The following SNTG1 variants were observed in gnomAD, a reference collection of about 807,000 sequenced individuals.
The protein encoded by SNTG1 is syntrophin gamma 1.
In SNTG1, 39 loss-of-function variants were observed where a neutral mutation model predicts 74.7. That is an observed-to-expected ratio of 0.52 (90% confidence interval 0.40 to 0.68). SNTG1 has a LOEUF of 0.68. SNTG1 is among the 30% of genes least tolerant of loss of function. The probability of loss-of-function intolerance (pLI) is 0.00; values close to 1 mark genes in which losing one functional copy is unlikely to be tolerated. For missense variants in SNTG1, 685 were observed against 609.5 expected (o/e 1.12, Z -1.30); for synonymous variants, 254 against 217.1 (o/e 1.17, Z -1.49).
chr8:50,068,158 A>T (rs1175766745), intron 1 of SNTG1, among the ~76,000 whole-genome samples: 2 of 152,194 alleles, frequency 1.3e-5, no homozygotes, highest in East Asian at 1.9e-4. Context: ...AATGATCTAC[A>T]TGAGAATATT....
At chr8:50,664,451 A>G (rs1344311453) in intron 15 of SNTG1, among the ~76,000 whole-genome samples, 4 of 152,168 alleles carry the variant, frequency 2.6e-5, no homozygotes, top group Non-Finnish European at 5.9e-5. Context: ...AAAATACCCT[A>G]TATTTGTAAT....
chr8:50,549,524 A>G (rs2094411233), intron 11 of SNTG1, among the ~76,000 whole-genome samples: 1 of 151,976 alleles, frequency 6.6e-6, no homozygotes, highest in Non-Finnish European at 1.5e-5. Context: ...CCACAGAGAG[A>G]TATTTCTAAA....
chr8:50,367,179 A>G (rs896747489), intron 2 of SNTG1, among the ~76,000 whole-genome samples: 2 of 151,838 alleles, frequency 1.3e-5, no homozygotes, highest in Non-Finnish European at 2.9e-5. Context: ...TTCCTTTACC[A>G]AGTAGATCAG....
intron 1 of SNTG1, among the ~76,000 whole-genome samples, chr8:49,934,415 T>C (rs543501059): frequency 9.9e-5 from 15 of 152,058 alleles, no homozygotes; most frequent in Non-Finnish European, 2.1e-4. Flanking sequence ...TGAGAGAAAA[T>C]ATAATAGAAT....
rs76927205 is a variant in SNTG1, at chr8:50,084,074, C to T, written c.-102-88487C>T. Among the ~76,000 whole-genome samples, 894 of 152,212 alleles carry T rather than the reference C, an allele frequency of 5.9e-3. 9 individuals carry two copies. The highest frequency in any genetic ancestry group is 0.02 in the African/African-American group (846 of 41,540). Reference sequence around the variant, plus strand: ...GCCATTCTAAATGTAATAGATACTCCAAAAGCCATCTCTAAAAGACACCTC... The same window carrying T: ...GCCATTCTAAATGTAATAGATACTCTAAAAGCCATCTCTAAAAGACACCTC... On this transcript the variant is annotated intron_variant, in intron 1 of 18. Transcript: ENST00000642720.
chr8:50,231,756 C>T (rs1375383835), intron 2 of SNTG1, among the ~76,000 whole-genome samples: 2 of 151,164 alleles, frequency 1.3e-5, no homozygotes, highest in East Asian at 1.9e-4. Context: ...GGTACAAAGC[C>T]TCAGTTAGAA....
chr8:50,625,166 A>G (rs2094948551), intron 13 of SNTG1, among the ~76,000 whole-genome samples: 1 of 152,174 alleles, frequency 6.6e-6, no homozygotes, highest in African/African-American at 2.4e-5. Context: ...AATGACCTCA[A>G]CTTACAGGTA....
chr8:50,517,146 T>C (rs2094140238), intron 9 of SNTG1, among the ~76,000 whole-genome samples: 1 of 152,188 alleles, frequency 6.6e-6, no homozygotes, highest in African/African-American at 2.4e-5. Flanking sequence ...ATATTCAACA[T>C]TCTTAAAGAA....
chr8:50,000,666 C>G (rs1425877477), intron 1 of SNTG1, among the ~76,000 whole-genome samples: 1 of 152,158 alleles, frequency 6.6e-6, no homozygotes, highest in African/African-American at 2.4e-5. Context: ...ATAATTGAAG[C>G]TTTTACGCTC....
intron 4 of SNTG1, among the ~76,000 whole-genome samples, chr8:50,428,495 A>T (rs1450997135): frequency 6.6e-6 from 1 of 152,170 alleles, no homozygotes; most frequent in African/African-American, 2.4e-5. Context: ...GAATTGTGCA[A>T]TTTTCAATTC....
chr8:50,476,568 G>T (rs771937470), intron 8 of SNTG1, among the ~76,000 whole-genome samples: 2 of 152,170 alleles, frequency 1.3e-5, no homozygotes, highest in Non-Finnish European at 2.9e-5. Context: ...GTGTGGTAAT[G>T]GATAGGATAC....
intron 2 of SNTG1, among the ~76,000 whole-genome samples, chr8:50,240,976 T>C (rs1037987778): frequency 2.0e-5 from 3 of 152,182 alleles, no homozygotes; most frequent in African/African-American, 7.2e-5. Context: ...GTAGCCTTAA[T>C]GTAATTAAAC....
chr8:50,548,681 C>A (rs1031383018), intron 11 of SNTG1, among the ~76,000 whole-genome samples: 1 of 151,880 alleles, frequency 6.6e-6, no homozygotes, highest in African/African-American at 2.4e-5. Context: ...CCACAGAGAA[C>A]AAGTGTTGCA....
At chr8:50,150,674 C>T (rs1011382040) in intron 1 of SNTG1, among the ~76,000 whole-genome samples, 3 of 152,120 alleles carry the variant, frequency 2.0e-5, no homozygotes, top group Admixed American at 1.3e-4. Context: ...GTCTTTGGTT[C>T]TGTTTATATG....
chr8:50,019,472 C>T (rs1209797964), intron 1 of SNTG1, among the ~76,000 whole-genome samples: 2 of 152,078 alleles, frequency 1.3e-5, no homozygotes, highest in African/African-American at 4.8e-5. Flanking sequence ...TACACTTCCC[C>T]CTTGTTCTTA....
intron 12 of SNTG1, among the ~76,000 whole-genome samples, chr8:50,563,092 C>A (rs1483244117): frequency 6.6e-6 from 1 of 152,252 alleles, no homozygotes; most frequent in Middle Eastern, 3.4e-3. Context: ...GAAGAGCAGA[C>A]AAGACTGTTG....
chr8:50,102,071 A>C (rs1256493955), intron 1 of SNTG1, among the ~76,000 whole-genome samples: 32 of 151,980 alleles, frequency 2.1e-4, no homozygotes, highest in South Asian at 4.2e-4. Context: ...TGGGTATATA[A>C]CCAGTAATGG....
intron 1 of SNTG1, among the ~76,000 whole-genome samples, chr8:50,070,890 C>T (rs944725399): frequency 4.6e-5 from 7 of 152,154 alleles, no homozygotes; most frequent in South Asian, 2.1e-4. Context: ...CTGTTGGGGA[C>T]GGCTGGAGGC....
intron 2 of SNTG1, among the ~76,000 whole-genome samples, chr8:50,341,023 A>C (rs1055582514): frequency 6.6e-5 from 10 of 151,954 alleles, no homozygotes; most frequent in Non-Finnish European, 1.5e-4. Context: ...GTTACAAATG[A>C]AAACAAAGAG....
Sources: allele counts gnomAD v4.1 joint callset (sites outside exome capture counted in the v4.1 genomes callset), GRCh38; gene constraint gnomAD v4.1.1; transcripts MANE v1.5; gene names NCBI Gene and HGNC (gene_info 2026-07-23, HGNC 2026-07-21).